CPQ: variants seen among roughly 807,000 people sequenced by gnomAD.
The protein encoded by CPQ is Ser-Met dipeptidase.
A neutral mutation model predicts 45.7 loss-of-function variants in CPQ; 37 were observed. The observed-to-expected ratio is 0.81, with a 90% CI of 0.62 to 1.07. CPQ has a LOEUF of 1.07. Ranked by LOEUF, CPQ falls within the 50% of genes least tolerant of loss-of-function variation. The probability of loss-of-function intolerance (pLI) is 0.00; values close to 1 mark genes in which losing one functional copy is unlikely to be tolerated. For synonymous variants in CPQ, 186 were observed against 205.8 expected (o/e 0.90, Z 0.82); for missense variants, 537 against 572.9 (o/e 0.94, Z 0.64).
At chr8:96,890,964 G>A (rs990150383) in intron 4 of CPQ, among the ~76,000 whole-genome samples, 2 of 152,152 alleles carry the variant, frequency 1.3e-5, no homozygotes, top group African/African-American at 2.4e-5. Flanking sequence ...CAGCCTTCTG[G>A]AGAACTTCAC....
chr8:97,046,267 CT>C (rs756564661), intron 6 of CPQ, among the ~76,000 whole-genome samples: 134 of 145,434 alleles, frequency 9.2e-4, no homozygotes, highest in East Asian at 1.8e-3. Context: ...ACTTCTATTC[CT>C]TTTTTTTTTT....
intron 5 of CPQ, among the ~76,000 whole-genome samples, chr8:96,974,112 T>C (rs1813731605): frequency 6.6e-6 from 1 of 152,200 alleles, no homozygotes; most frequent in African/African-American, 2.4e-5. Flanking sequence ...AAGTTTCTGC[T>C]GTCTTCAGGA....
intron 2 of CPQ, among the ~76,000 whole-genome samples, chr8:96,817,272 C>G (rs915714928): frequency 9.9e-5 from 15 of 152,108 alleles, no homozygotes; most frequent in Non-Finnish European, 8.8e-5. Context: ...GGCCCTCTTT[C>G]CTTAAATGAA....
intron 5 of CPQ, among the ~76,000 whole-genome samples, chr8:96,995,799 T>C (rs1221943018): frequency 2.6e-5 from 4 of 151,960 alleles, no homozygotes; most frequent in Admixed American, 2.6e-4. Flanking sequence ...TACCCATTAG[T>C]TGTATTTCTG....
chr8:97,067,547 A>C (rs1810661288), intron 7 of CPQ, among the ~76,000 whole-genome samples: 1 of 152,140 alleles, frequency 6.6e-6, no homozygotes, highest in Non-Finnish European at 1.5e-5. Flanking sequence ...TGCAAAGTAG[A>C]TTTTACCAAT....
At chr8:97,062,453 C>G (rs931734011) in intron 6 of CPQ, among the ~76,000 whole-genome samples, 1 of 152,154 alleles carries the variant, frequency 6.6e-6, no homozygotes, top group Non-Finnish European at 1.5e-5. Flanking sequence ...AACAGCCAAA[C>G]TGCTAACTAG....
chr8:97,122,970 ATAAAATAAAAT>A (rs1811749002), intron 7 of CPQ, among the ~76,000 whole-genome samples: 1 of 74,674 alleles, frequency 1.3e-5, no homozygotes, highest in Non-Finnish European at 2.2e-5. Context: ...ATAAAATAAA[ATAAAATAAAAT>A]TAAAATAAAA....
intron 2 of CPQ, among the ~76,000 whole-genome samples, chr8:96,791,043 C>T (rs776472503): frequency 4.3e-4 from 66 of 152,236 alleles, no homozygotes; most frequent in Admixed American, 1.8e-3. Flanking sequence ...CTATGTTAGA[C>T]ACCAACTTAA....
chr8:96,924,949 A>G (rs934710342), intron 4 of CPQ, among the ~76,000 whole-genome samples: 5 of 152,164 alleles, frequency 3.3e-5, no homozygotes, highest in African/African-American at 1.2e-4. Context: ...CTACCCTTTT[A>G]TGTAACCCCT....
intron 4 of CPQ, among the ~76,000 whole-genome samples, chr8:96,883,095 T>C (rs1349914745): frequency 1.3e-5 from 2 of 152,236 alleles, no homozygotes; most frequent in African/African-American, 4.8e-5. Flanking sequence ...TCCATGTTGT[T>C]GATTCAGTTG....
intron 7 of CPQ, among the ~76,000 whole-genome samples, chr8:97,093,667 A>G (rs919211779): frequency 2.0e-5 from 3 of 152,178 alleles, no homozygotes; most frequent in African/African-American, 7.2e-5. Context: ...TAGACAGTGG[A>G]GATTCACTCA....
At chr8:97,040,380 T>G (rs1263678898) in intron 6 of CPQ, among the ~76,000 whole-genome samples, 1 of 151,764 alleles carries the variant, frequency 6.6e-6, no homozygotes, top group Non-Finnish European at 1.5e-5. Flanking sequence ...ATTCTGGATA[T>G]TAGCCCTTTG....
intron 1 of CPQ, among the ~76,000 whole-genome samples, chr8:96,652,130 C>G (rs1160541148): frequency 2.0e-5 from 3 of 152,162 alleles, no homozygotes; most frequent in Admixed American, 1.3e-4. Flanking sequence ...CCCATTTTCC[C>G]CAACCCCTCA....
At chr8:97,066,916 CTTTTTTTT>C (rs752150876) in intron 7 of CPQ, among the ~76,000 whole-genome samples, 3 of 60,358 alleles carry the variant, frequency 5.0e-5, no homozygotes, top group Admixed American at 2.4e-4. Flanking sequence ...CTGGAACAGT[CTTTTTTTT>C]TTTTTTTTTT....
At chr8:96,715,548 C>T (rs917535377) in intron 1 of CPQ, among the ~76,000 whole-genome samples, 1 of 152,172 alleles carries the variant, frequency 6.6e-6, no homozygotes, top group African/African-American at 2.4e-5. Context: ...GAAAGAATCC[C>T]CAGCTGTATC....
At chr8:96,999,322 G>T (rs1477814420) in intron 5 of CPQ, among the ~76,000 whole-genome samples, 1 of 151,044 alleles carries the variant, frequency 6.6e-6, no homozygotes, top group Non-Finnish European at 1.5e-5. Context: ...TGTTGTACAG[G>T]TTATTTCATC....
At chr8:97,106,227 C>G (rs1320506266) in intron 7 of CPQ, among the ~76,000 whole-genome samples, 1 of 152,218 alleles carries the variant, frequency 6.6e-6, no homozygotes, top group East Asian at 1.9e-4. Flanking sequence ...ACTGTTCTTA[C>G]CTACAGGTAT....
At chr8:96,750,781 C>T (rs748882977) in intron 1 of CPQ, among the ~76,000 whole-genome samples, 2 of 152,012 alleles carry the variant, frequency 1.3e-5, no homozygotes, top group African/African-American at 2.4e-5. Flanking sequence ...GATGCTCTTC[C>T]TCCCCTGAAC....
chr8:96,966,994 T>C lies in CPQ; in HGVS notation c.961+948T>C, dbSNP rs533241045. ...ATAATTTCAACATCTAATTTTAGAATTGGGGAAGGTTTGAGAGAGAAGTTA... is the reference window on the plus strand; with the variant it reads ...ATAATTTCAACATCTAATTTTAGAACTGGGGAAGGTTTGAGAGAGAAGTTA... On this transcript the variant is annotated intron_variant, in intron 5 of 7. Coordinates refer to ENST00000220763, the MANE Select transcript of CPQ (RefSeq NM_016134.4). Among the ~76,000 whole-genome samples the C allele has an allele frequency of 7.2e-5, 11 of 152,322 alleles. 2 individuals are homozygous for C. The South Asian group carries it at 2.1e-3, about 29-fold the overall frequency.
Sources: allele counts gnomAD v4.1 joint callset (sites outside exome capture counted in the v4.1 genomes callset), GRCh38; gene constraint gnomAD v4.1.1; transcripts MANE v1.5; gene names NCBI Gene and HGNC (gene_info 2026-07-23, HGNC 2026-07-21).